ESCO1: variants seen among roughly 807,000 people sequenced by gnomAD.
ESCO1 encodes the protein establishment of sister chromatid cohesion N-acetyltransferase 1.
ESCO1 carries 33 observed loss-of-function variants against 83.5 expected under a neutral mutation model. The ratio of observed to expected loss-of-function variants is 0.40; its 90% CI spans 0.30 to 0.53. ESCO1 has a LOEUF of 0.53. Among genes scored for constraint, ESCO1 ranks in the 20% least tolerant of loss-of-function variants. ESCO1 has a pLI of 0.63. For missense variants in ESCO1, 855 were observed against 968.0 expected (o/e 0.88, Z 1.55); for synonymous variants, 332 against 324.3 (o/e 1.02, Z -0.25).
intron 1 of ESCO1, among the ~76,000 whole-genome samples, chr18:21,585,262 C>T (rs764573700): frequency 2.0e-5 from 3 of 151,986 alleles, no homozygotes; most frequent in Non-Finnish European, 4.4e-5. Context: ...GAGAATTATA[C>T]TTTCCTTCTG....
intron 7 of ESCO1, among the ~76,000 whole-genome samples, chr18:21,563,868 G>A (rs1175282489): frequency 2.0e-5 from 3 of 151,006 alleles, no homozygotes; most frequent in East Asian, 3.9e-4. Flanking sequence ...GGTGAATCCC[G>A]CACAAATAGG....
At chr18:21,547,810 A>G (rs2037992861) in intron 8 of ESCO1, among the ~76,000 whole-genome samples, 1 of 152,206 alleles carries the variant, frequency 6.6e-6, no homozygotes, top group Non-Finnish European at 1.5e-5. Context: ...ATTCATAGAA[A>G]AGAGTATTTC....
chr18:21,594,706 A>AT (rs1217744117), intron 1 of ESCO1, among the ~76,000 whole-genome samples: 2 of 151,458 alleles, frequency 1.3e-5, no homozygotes, highest in East Asian at 3.9e-4. Context: ...TCCATCTCAA[A>AT]AAAAAAAAGA....
At chr18:21,564,894 T>C (rs2038238555) in intron 6 of ESCO1, among the ~76,000 whole-genome samples, 1 of 151,558 alleles carries the variant, frequency 6.6e-6, no homozygotes, top group Non-Finnish European at 1.5e-5. Context: ...ACCCCGTTTC[T>C]ACTAAAATAA....
Position 21,584,296 on chromosome 18 carries a change from T to C in ESCO1, c.-694+14A>G, listed in dbSNP as rs1277212766. On this transcript the variant is annotated intron_variant, in intron 2 of 11. Coordinates refer to ENST00000269214, the MANE Select transcript of ESCO1 (RefSeq NM_052911.3). Reference sequence around the variant, plus strand: ...CTTGGAAGATACTAAATCATAAAATTATATGCCACTTACCTTAAAGAAATA... The same window carrying C: ...CTTGGAAGATACTAAATCATAAAATCATATGCCACTTACCTTAAAGAAATA... 1 of 152,118 alleles carries C rather than the reference T, an allele frequency of 6.6e-6. No homozygotes were observed. Among genetic ancestry groups the C allele is most frequent in the East Asian group, 1.9e-4 (1 of 5,190 alleles). The allele number at this position is 152,118 out of a possible 1,614,324, so 9.4% of individuals were successfully genotyped here.
At chr18:21,579,690 T>G (rs1486324448) in intron 2 of ESCO1, among the ~76,000 whole-genome samples, 2 of 149,590 alleles carry the variant, frequency 1.3e-5, no homozygotes, top group Non-Finnish European at 3.0e-5. Context: ...GAGAATTGCT[T>G]GAACCAAGGA....
At chr18:21,582,641 T>C (rs1009498726) in intron 2 of ESCO1, among the ~76,000 whole-genome samples, 2 of 152,160 alleles carry the variant, frequency 1.3e-5, no homozygotes, top group Admixed American at 6.5e-5. Flanking sequence ...TGGCAAGAAA[T>C]AGCAAAAGCT....
chr18:21,533,351 A>C (rs2037791877), intron 10 of ESCO1, among the ~76,000 whole-genome samples: 1 of 152,120 alleles, frequency 6.6e-6, no homozygotes, highest in Non-Finnish European at 1.5e-5. Context: ...GCTGGAGTAC[A>C]GTGGTGCGAT....
At chr18:21,585,730 C>A (rs1332428530) in intron 1 of ESCO1, among the ~76,000 whole-genome samples, 1 of 152,066 alleles carries the variant, frequency 6.6e-6, no homozygotes, top group Non-Finnish European at 1.5e-5. Flanking sequence ...GTAGCTGAGA[C>A]CACAGGTACA....
At chr18:21,577,939 G>C (rs1197195837) in intron 2 of ESCO1, among the ~76,000 whole-genome samples, 1 of 152,164 alleles carries the variant, frequency 6.6e-6, no homozygotes, top group Admixed American at 6.5e-5. Context: ...CTAAGGAAGT[G>C]GAAAGATTGT....
intron 8 of ESCO1, among the ~76,000 whole-genome samples, chr18:21,550,407 G>T (rs532360417): frequency 6.6e-6 from 1 of 152,302 alleles, no homozygotes; most frequent in South Asian, 2.1e-4. Context: ...GCCTGGGTCA[G>T]ACCCAATAAA....
chr18:21,584,910 C>T (rs1470113594), intron 1 of ESCO1, among the ~76,000 whole-genome samples: 2 of 151,788 alleles, frequency 1.3e-5, no homozygotes, highest in South Asian at 2.1e-4. Context: ...TTTGGGAGGC[C>T]GAGGCGGGTG....
intron 8 of ESCO1, among the ~76,000 whole-genome samples, chr18:21,554,205 A>T (rs2038083342): frequency 6.6e-6 from 1 of 152,234 alleles, no homozygotes; most frequent in South Asian, 2.1e-4. Flanking sequence ...AATGCAAAAG[A>T]ATACAGCAAC....
chr18:21,574,960 T>A lies in ESCO1; in HGVS notation c.-117A>T. On this transcript the variant is annotated 5_prime_UTR_variant, in exon 4 of 12. The change abolishes the stop of an existing upstream ORF in the 5' untranslated region. Transcript: ENST00000269214. ...AGGAGCAGGTCTGAAAAATCAACTT[T>A]AACTGATGCTGATATACATTTTCAA... 3 of 721,606 alleles carry A rather than the reference T, an allele frequency of 4.2e-6. No individual in the cohort carries two copies. The highest frequency in any genetic ancestry group is 6.5e-6 in the Non-Finnish European group (3 of 461,274). 44.7% of individuals were successfully genotyped at this position (721,606 alleles called of 1,614,324 possible).
chr18:21,596,480 TATA>T (rs763498751), intron 1 of ESCO1, among the ~76,000 whole-genome samples: 1 of 152,162 alleles, frequency 6.6e-6, no homozygotes, highest in South Asian at 2.1e-4. Flanking sequence ...AAGTGTTAGC[TATA>T]ATAATATTAA....
At chr18:21,566,231 T>TTA (rs140515156) in intron 5 of ESCO1, 25 bp from the exon 6 acceptor site, 2 of 1,604,942 alleles carry the variant, frequency 1.2e-6, no homozygotes, top group Non-Finnish European at 1.7e-6. Flanking sequence ...AGAAGGTGGG[T>TTA]TATATATTGA....
intron 4 of ESCO1, among the ~76,000 whole-genome samples, chr18:21,568,323 T>G (rs1260567883): frequency 6.6e-6 from 1 of 152,136 alleles, no homozygotes; most frequent in Non-Finnish European, 1.5e-5. Context: ...AGTGCATGCC[T>G]GTTGTCTCAG....
At chr18:21,546,626 A>G (rs2037977504) in intron 8 of ESCO1, among the ~76,000 whole-genome samples, 1 of 152,124 alleles carries the variant, frequency 6.6e-6, no homozygotes, top group Non-Finnish European at 1.5e-5. Flanking sequence ...GGCTCACTGC[A>G]GCCTCAGCCT....
At chr18:21,589,301 A>G (rs1346179542) in intron 1 of ESCO1, among the ~76,000 whole-genome samples, 3 of 152,106 alleles carry the variant, frequency 2.0e-5, no homozygotes, top group East Asian at 1.9e-4. Flanking sequence ...TATTACTTCA[A>G]TGTAGCCACT....
Sources: allele counts gnomAD v4.1 joint callset (sites outside exome capture counted in the v4.1 genomes callset), GRCh38; gene constraint gnomAD v4.1.1; transcripts MANE v1.5; gene names NCBI Gene and HGNC (gene_info 2026-07-23, HGNC 2026-07-21).